Variants in CSMD1 observed in about 807,000 individuals in gnomAD.
CSMD1 encodes CUB and Sushi multiple domains 1.
CSMD1 carries 213 observed loss-of-function variants against 417.5 expected under a neutral mutation model. The observed-to-expected ratio is 0.51, with a 90% CI of 0.46 to 0.57. The LOEUF is 0.57. CSMD1 is among the 20% of genes least tolerant of loss of function. CSMD1 has a pLI of 0.00. For synonymous variants in CSMD1, 2,862 were observed against 1,736.8 expected (o/e 1.65, Z -16.11); for missense variants, 6,923 against 4,529.7 (o/e 1.53, Z -15.17).
intron 1 of CSMD1, among the ~76,000 whole-genome samples, chr8:4,969,974 G>C (rs150279573): frequency 2.6e-5 from 4 of 151,352 alleles, no homozygotes; most frequent in African/African-American, 9.8e-5. Context: ...TTTTACATAC[G>C]TACCATGCCT....
intron 5 of CSMD1, among the ~76,000 whole-genome samples, chr8:3,851,922 C>A (rs1031168545): frequency 1.3e-5 from 2 of 151,818 alleles, no homozygotes; most frequent in Non-Finnish European, 2.9e-5. Context: ...GTACTGGGGG[C>A]CTGAGCATTG....
At chr8:3,588,602 C>A (rs1252327138) in intron 8 of CSMD1, among the ~76,000 whole-genome samples, 1 of 152,122 alleles carries the variant, frequency 6.6e-6, no homozygotes, top group Non-Finnish European at 1.5e-5. Flanking sequence ...CTTTTTCATG[C>A]ATTTTTTTCC....
At chr8:3,490,562 T>A (rs996281085) in intron 11 of CSMD1, among the ~76,000 whole-genome samples, 1 of 152,224 alleles carries the variant, frequency 6.6e-6, no homozygotes, top group East Asian at 1.9e-4. Flanking sequence ...TCCGGAGTGT[T>A]TGCATGCATT....
intron 23 of CSMD1, among the ~76,000 whole-genome samples, chr8:3,329,648 T>G (rs906105087): frequency 2.0e-5 from 3 of 152,160 alleles, no homozygotes; most frequent in Non-Finnish European, 4.4e-5. Flanking sequence ...AAGGTCTGCC[T>G]GCCATCAAAA....
At chr8:4,115,458 G>GT (rs1244911127) in intron 3 of CSMD1, among the ~76,000 whole-genome samples, 2 of 152,046 alleles carry the variant, frequency 1.3e-5, no homozygotes, top group African/African-American at 4.8e-5. Flanking sequence ...GTATGCCTGT[G>GT]TTTTTATATA....
At chr8:2,984,177 G>A (rs906391999) in intron 54 of CSMD1, among the ~76,000 whole-genome samples, 1 of 152,116 alleles carries the variant, frequency 6.6e-6, no homozygotes, top group Admixed American at 6.5e-5. Flanking sequence ...TTATGTCGCT[G>A]CCTCAAATCG....
At chr8:4,860,155 G>A (rs529670436) in intron 1 of CSMD1, among the ~76,000 whole-genome samples, 233 of 149,478 alleles carry the variant, frequency 1.6e-3, no homozygotes, top group Middle Eastern at 6.8e-3. Flanking sequence ...GTAAACTATC[G>A]CAAGAACAAA....
intron 1 of CSMD1, among the ~76,000 whole-genome samples, chr8:4,887,454 C>T (rs1367223132): frequency 6.6e-6 from 1 of 152,004 alleles, no homozygotes; most frequent in Non-Finnish European, 1.5e-5. Context: ...TTTCACTTGG[C>T]TACTTTTACA....
chr8:3,199,293 T>A (rs967141004), intron 33 of CSMD1, among the ~76,000 whole-genome samples: 1 of 152,220 alleles, frequency 6.6e-6, no homozygotes, highest in African/African-American at 2.4e-5. Context: ...TAAATTTCCA[T>A]TTAAGCTTAG....
At chr8:4,713,382 T>TTGTTC (rs1400770908) in intron 1 of CSMD1, among the ~76,000 whole-genome samples, 2 of 147,300 alleles carry the variant, frequency 1.4e-5, no homozygotes, top group African/African-American at 2.5e-5. Context: ...TGTTTTTGTT[T>TTGTTC]TGTTTTGTTT....
intron 2 of CSMD1, among the ~76,000 whole-genome samples, chr8:4,489,674 T>A (rs1801599279): frequency 6.6e-6 from 1 of 152,332 alleles, no homozygotes; most frequent in Admixed American, 6.5e-5. Context: ...TGTGAGCACC[T>A]ATGTTTGATC....
chr8:4,303,128 A>G (rs1263366769), intron 3 of CSMD1, among the ~76,000 whole-genome samples: 2 of 152,120 alleles, frequency 1.3e-5, no homozygotes, highest in African/African-American at 4.8e-5. Flanking sequence ...GGACATTATG[A>G]TTTTCTCTAG....
chr8:4,209,293 T>C (rs1024395050), intron 3 of CSMD1, among the ~76,000 whole-genome samples: 2 of 152,178 alleles, frequency 1.3e-5, no homozygotes, highest in African/African-American at 4.8e-5. Context: ...CACAGCTTGC[T>C]CTTCAGTGGT....
intron 5 of CSMD1, among the ~76,000 whole-genome samples, chr8:3,931,484 T>G (rs1235315823): frequency 6.7e-6 from 1 of 150,188 alleles, no homozygotes; most frequent in Non-Finnish European, 1.5e-5. Context: ...GGAGCATTTT[T>G]AAAAGGCATA....
At chr8:4,181,922 G>A (rs1430041866) in intron 3 of CSMD1, among the ~76,000 whole-genome samples, 2 of 149,910 alleles carry the variant, frequency 1.3e-5, no homozygotes, top group Non-Finnish European at 3.0e-5. Flanking sequence ...CAAGTACTTA[G>A]TACTTTGCTA....
chr8:4,194,014 T>C (rs2131225302), intron 3 of CSMD1, among the ~76,000 whole-genome samples: 1 of 152,258 alleles, frequency 6.6e-6, no homozygotes, highest in South Asian at 2.1e-4. Flanking sequence ...CATAATGTTT[T>C]TGATATTTAA....
chr8:3,207,362 C>G (rs1402119241), intron 30 of CSMD1, among the ~76,000 whole-genome samples: 1 of 150,504 alleles, frequency 6.6e-6, no homozygotes, highest in African/African-American at 2.4e-5. Flanking sequence ...TCAGGCTGGT[C>G]TCGAACTCCT....
intron 1 of CSMD1, among the ~76,000 whole-genome samples, chr8:4,961,552 T>G (rs1321188941): frequency 2.0e-5 from 3 of 152,190 alleles, no homozygotes; most frequent in East Asian, 1.9e-4. Flanking sequence ...TCTTAGAATT[T>G]TGAAGACGTT....
intron 1 of CSMD1, among the ~76,000 whole-genome samples, chr8:4,818,562 T>C (rs1799338729): frequency 6.6e-6 from 1 of 152,158 alleles, no homozygotes; most frequent in Non-Finnish European, 1.5e-5. Context: ...CACACACACA[T>C]GTGCACATAT....
Sources: allele counts gnomAD v4.1 joint callset (sites outside exome capture counted in the v4.1 genomes callset), GRCh38; gene constraint gnomAD v4.1.1; transcripts MANE v1.5; gene names NCBI Gene and HGNC (gene_info 2026-07-23, HGNC 2026-07-21).